Variants in CCDC3 observed in about 807,000 individuals in gnomAD.
CCDC3 encodes coiled-coil domain-containing protein 3.
In CCDC3, 24 loss-of-function variants were observed where a neutral mutation model predicts 21.4. The observed-to-expected ratio is 1.12, with a 90% CI of 0.81 to 1.58. The LOEUF is 1.58. Among genes scored for constraint, CCDC3 ranks in the 40% most tolerant of loss-of-function variants. CCDC3 has a pLI of 0.00. For missense variants in CCDC3, 425 were observed against 360.9 expected (o/e 1.18, Z -1.44); for synonymous variants, 186 against 166.0 (o/e 1.12, Z -0.93).
intron 5 of CCDC3, among the ~76,000 whole-genome samples, chr10:13,026,479 T>C (rs746428893): frequency 2.2e-4 from 33 of 152,226 alleles, no homozygotes; most frequent in Non-Finnish European, 4.6e-4. Context: ...TTCATTTTTT[T>C]TTCTTAAGCT....
intron 2 of CCDC3, among the ~76,000 whole-genome samples, chr10:12,986,024 C>T (rs1009008928): frequency 3.3e-5 from 5 of 152,250 alleles, no homozygotes; most frequent in South Asian, 2.1e-4. Flanking sequence ...TACAGGCGCC[C>T]GCCACCACGC....
chr10:13,020,095 T>C (rs999997784), intron 5 of CCDC3, among the ~76,000 whole-genome samples: 1 of 152,248 alleles, frequency 6.6e-6, no homozygotes, highest in Admixed American at 6.5e-5. Context: ...AATACTTTGA[T>C]TGGAATACAG....
At position 13,041,513 on chromosome 10, in the gene CCDC3, T is replaced by A. The variant is rs1402399102; in HGVS notation, c.-2+8161A>T. On this transcript the variant is annotated intron_variant, in intron 5 of 6. Transcript: ENST00000378839. ...AAGTGTCTGGCAGATAATTTTTTTT[T>A]TTTTTTTTTTTTTTTTTTTTTTTTT... 3.0e-3 allele frequency among the ~76,000 whole-genome samples: 188 copies of A among 61,686 alleles called. 1 individual carries two copies. Among genetic ancestry groups the A allele is most frequent in the South Asian group, 0.022 (35 of 1,590 alleles). The allele number at this position is 61,686 out of a possible 152,430, so 40.5% of individuals were successfully genotyped here.
chr10:13,063,099 A>ACCC (rs113617788), intron 4 of CCDC3, among the ~76,000 whole-genome samples: 1 of 147,144 alleles, frequency 6.8e-6, no homozygotes, highest in African/African-American at 2.5e-5. Context: ...TCACTGGCTT[A>ACCC]CCCCCACCCA....
intron 2 of CCDC3, among the ~76,000 whole-genome samples, chr10:12,940,409 A>G (rs1834810338): frequency 6.6e-6 from 1 of 152,112 alleles, no homozygotes; most frequent in Non-Finnish European, 1.5e-5. Context: ...TGGCCTCTTG[A>G]GAGTTATATT....
chr10:12,952,741 C>G (rs2131249686), intron 2 of CCDC3, among the ~76,000 whole-genome samples: 1 of 152,280 alleles, frequency 6.6e-6, no homozygotes, highest in South Asian at 2.1e-4. Context: ...CAATTTATCA[C>G]CATCCTCCTT....
chr10:13,031,956 A>G (rs1035876051), intron 5 of CCDC3, among the ~76,000 whole-genome samples: 1 of 152,200 alleles, frequency 6.6e-6, no homozygotes, highest in African/African-American at 2.4e-5. Context: ...ATTCCAATCA[A>G]TAGAAAAAGA....
In CCDC3 at chr10:13,018,141, G is replaced by T. The variant is rs982024045; in HGVS notation, c.-1-19629C>A. Among the ~76,000 whole-genome samples, 6 of 152,016 alleles carry T rather than the reference G, an allele frequency of 3.9e-5. 1 individual carries two copies. Among genetic ancestry groups the T allele is most frequent in the Non-Finnish European group, 7.4e-5 (5 of 67,954 alleles). ...CAAAGCTCCAGAGGGCTGGGAGAGG[G>T]AATATGTGTAGATATCATAAACACA... On this transcript the variant is annotated intron_variant, in intron 5 of 6. Coordinates refer to the CCDC3 transcript ENST00000378839.
intron 4 of CCDC3, among the ~76,000 whole-genome samples, chr10:13,072,398 G>A (rs1341456919): frequency 6.6e-6 from 1 of 152,168 alleles, no homozygotes; most frequent in African/African-American, 2.4e-5. Flanking sequence ...TACTTCTTTA[G>A]AGGGGGGAAT....
chr10:12,930,960 C>T (rs1187200934), intron 2 of CCDC3, among the ~76,000 whole-genome samples: 2 of 152,134 alleles, frequency 1.3e-5, no homozygotes, highest in East Asian at 1.9e-4. Flanking sequence ...CCTGTAATCC[C>T]AGCACTTTGG....
chr10:12,962,237 CG>C (rs1589022999), intron 2 of CCDC3, among the ~76,000 whole-genome samples: 1 of 152,310 alleles, frequency 6.6e-6, no homozygotes, highest in East Asian at 1.9e-4. Flanking sequence ...AAGAAAAACA[CG>C]TAACGATCAG....
At chr10:13,061,963 T>C (rs1836762789) in intron 4 of CCDC3, among the ~76,000 whole-genome samples, 1 of 151,534 alleles carries the variant, frequency 6.6e-6, no homozygotes, top group Admixed American at 6.6e-5. Context: ...GAGATGTAAA[T>C]TTCCCCCCCA....
chr10:13,094,593 G>A (rs1051044202), intron 3 of CCDC3, among the ~76,000 whole-genome samples: 6 of 152,020 alleles, frequency 3.9e-5, no homozygotes, highest in African/African-American at 9.7e-5. Context: ...GCCCGGCACA[G>A]AGAGTTATGT....
At chr10:12,913,705 T>G (rs1834305545) in intron 2 of CCDC3, among the ~76,000 whole-genome samples, 1 of 152,276 alleles carries the variant, frequency 6.6e-6, no homozygotes, top group Non-Finnish European at 1.5e-5. Flanking sequence ...GAGTATGATG[T>G]TAGCTGTGGG....
At position 13,001,212 on chromosome 10, in the gene CCDC3, TAGG is replaced by T. The variant is rs762661194; in HGVS notation, c.356_358del (p.Ser119del). On this transcript the variant is annotated inframe_deletion, in exon 1 of 3. Transcript: ENST00000378825. ...CCGGGCTCACCTGAGGAAGAAGAAA[TAGG>T]AGTAGTCCTGGACCACGGTGTGGGA... 3 of 1,558,148 alleles carry T rather than the reference TAGG, an allele frequency of 1.9e-6. No individual in the cohort carries two copies. Among genetic ancestry groups the T allele is most frequent in the Non-Finnish European group, 1.7e-6 (2 of 1,151,504 alleles).
rs71477255 is a variant in CCDC3 at position 13,041,504 on chromosome 10, A to ATTTTTTT, written c.-2+8163_-2+8169dup. ...GTTCACTCCAAGTGTCTGGCAGATA[A>ATTTTTTT]TTTTTTTTTTTTTTTTTTTTTTTTT... On this transcript the variant is annotated intron_variant, in intron 5 of 6. Transcript: ENST00000378839. Among the ~76,000 whole-genome samples, 144 of 62,100 alleles carry ATTTTTTT rather than the reference A, an allele frequency of 2.3e-3. 32 individuals carry two copies. Among genetic ancestry groups the ATTTTTTT allele is most frequent in the East Asian group, 0.013 (23 of 1,824 alleles). 40.7% of individuals were successfully genotyped at this position (62,100 alleles called of 152,430 possible). A position where few individuals can be genotyped will look rare whatever the true frequency, so the allele number is the denominator to read the frequency against.
Position 12,970,539 on chromosome 10 carries a change from C to T in CCDC3, c.549+27799G>A, listed in dbSNP as rs138409698. On this transcript the variant is annotated intron_variant, in intron 2 of 2. Transcript: ENST00000378825. Reference sequence around the variant, plus strand: ...ACGTATACATATATTTAAAATCATACTGTACACAATAAACATATACAACTT... The same window carrying T: ...ACGTATACATATATTTAAAATCATATTGTACACAATAAACATATACAACTT... Among the ~76,000 whole-genome samples the T allele has an allele frequency of 4.9e-3, 750 of 152,266 alleles. 5 individuals are homozygous for T. Among genetic ancestry groups the T allele is most frequent in the African/African-American group, 0.017 (713 of 41,560 alleles).
chr10:12,990,951 T>C (rs1835672427), intron 2 of CCDC3, among the ~76,000 whole-genome samples: 1 of 152,212 alleles, frequency 6.6e-6, no homozygotes, highest in Non-Finnish European at 1.5e-5. Context: ...TTGGGTGCAG[T>C]ATCAAAGAAG....
At chr10:13,016,852 G>A (rs1836068664) in intron 5 of CCDC3, among the ~76,000 whole-genome samples, 1 of 152,086 alleles carries the variant, frequency 6.6e-6, no homozygotes, top group African/African-American at 2.4e-5. Flanking sequence ...CCTAGCACAT[G>A]TAAGCACTGT....
Sources: allele counts gnomAD v4.1 joint callset (sites outside exome capture counted in the v4.1 genomes callset), GRCh38; gene constraint gnomAD v4.1.1; transcripts MANE v1.5; gene names NCBI Gene and HGNC (gene_info 2026-07-23, HGNC 2026-07-21).